COLEC12: variants seen among roughly 807,000 people sequenced by gnomAD.
COLEC12 encodes collectin subfamily member 12, also known as collectin-12.
Under a neutral mutation model 71.1 loss-of-function variants are expected in COLEC12, and 33 were observed. The ratio of observed to expected loss-of-function variants is 0.46; its 90% CI spans 0.35 to 0.62. COLEC12 has a LOEUF of 0.62. Ranked by LOEUF, COLEC12 falls within the 20% of genes least tolerant of loss-of-function variation. The pLI, the probability that COLEC12 is intolerant of heterozygous loss-of-function variation, is 0.00. For synonymous variants in COLEC12, 350 were observed against 353.0 expected (o/e 0.99, Z 0.10); for missense variants, 765 against 916.1 (o/e 0.84, Z 2.13).
intron 1 of COLEC12, among the ~76,000 whole-genome samples, chr18:484,205 C>T (rs962613366): frequency 6.6e-6 from 1 of 152,198 alleles, no homozygotes; most frequent in Non-Finnish European, 1.5e-5. Context: ...TGACTGACTT[C>T]TCTCTCCTTC....
intron 2 of COLEC12, among the ~76,000 whole-genome samples, chr18:451,983 T>C (rs1013513025): frequency 1.3e-5 from 2 of 152,230 alleles, no homozygotes; most frequent in Non-Finnish European, 2.9e-5. Context: ...TTTGTGGCAC[T>C]TCATCACATA....
At chr18:324,315 T>A (rs2143410103) in intron 8 of COLEC12, among the ~76,000 whole-genome samples, 1 of 152,320 alleles carries the variant, frequency 6.6e-6, no homozygotes, top group Non-Finnish European at 1.5e-5. Flanking sequence ...CACAGGTAGA[T>A]TCTGGCAAGA....
At chr18:442,931 A>C (rs1007352874) in intron 2 of COLEC12, among the ~76,000 whole-genome samples, 1 of 152,218 alleles carries the variant, frequency 6.6e-6, no homozygotes, top group African/African-American at 2.4e-5. Flanking sequence ...ACTGCACTCC[A>C]GCCTGGGCGA....
rs1471785286 is a variant in COLEC12, at chr18:399,960, A to G, written c.59-42438T>C. Among the ~76,000 whole-genome samples, 3 of 152,192 alleles carry G rather than the reference A, an allele frequency of 2.0e-5. No homozygotes were observed. Among genetic ancestry groups the G allele is most frequent in the Non-Finnish European group, 4.4e-5 (3 of 68,032 alleles). On this transcript the variant is annotated intron_variant, in intron 2 of 9. Coordinates refer to ENST00000400256, the MANE Select transcript of COLEC12 (RefSeq NM_130386.3). The surrounding 1 kb of genome is among the most constrained non-coding windows in gnomAD (Gnocchi z 4.0). ...AGGGTGGTGGGGGCGGGTGGGGGAT[A>G]GTGACTGAAGAGGCTGTATTTATTG... is the stretch of plus-strand genomic sequence containing the variant.
At chr18:381,418 C>T (rs191127308) in intron 2 of COLEC12, among the ~76,000 whole-genome samples, 1 of 152,186 alleles carries the variant, frequency 6.6e-6, no homozygotes, top group African/African-American at 2.4e-5. Flanking sequence ...ACACTGCATA[C>T]ATGTATCAAA....
intron 8 of COLEC12, among the ~76,000 whole-genome samples, chr18:322,557 C>T (rs188875093): frequency 2.6e-5 from 4 of 152,260 alleles, no homozygotes; most frequent in African/African-American, 7.2e-5. Context: ...GATAACAGTT[C>T]TTGATTACGT....
Position 333,047 on chromosome 18 carries a change from T to A in COLEC12, c.1913A>T (p.Lys638Met). Reference sequence around the variant, plus strand: ...GTTTATGAAAACAAGATGTGAAGACTTGTCTTCACAGAAAAGCTTTGCATC... The same window carrying A: ...GTTTATGAAAACAAGATGTGAAGACATGTCTTCACAGAAAAGCTTTGCATC... ...FEDAKLFCED[K>M]SSHLVFINTR... Residue 638 changes from lysine (K) to methionine (M), a missense_variant, in exon 7 of 10, where the codon AAG becomes ATG. By Grantham distance (95) the Lys-to-Met change is moderately conservative (BLOSUM62 -1). Transcript: ENST00000400256. The A allele has an allele frequency of 6.2e-7, 1 of 1,609,614 alleles. No individual in the cohort carries two copies.
chr18:493,579 A>G (rs1024047734), intron 1 of COLEC12, among the ~76,000 whole-genome samples: 1 of 152,244 alleles, frequency 6.6e-6, no homozygotes, highest in Non-Finnish European at 1.5e-5. Context: ...TTGTTTACGC[A>G]TAAGTCTTGT....
At chr18:447,937 C>T (rs1916684531) in intron 2 of COLEC12, among the ~76,000 whole-genome samples, 1 of 152,152 alleles carries the variant, frequency 6.6e-6, no homozygotes. Flanking sequence ...AAACAGCCAG[C>T]AGTCAAATTA....
In COLEC12 at chr18:408,519, A is replaced by G. The variant is rs1915831334; in HGVS notation, c.59-50997T>C. On this transcript the variant is annotated intron_variant, in intron 2 of 9. Coordinates refer to ENST00000400256, the MANE Select transcript of COLEC12 (RefSeq NM_130386.3). The surrounding 1 kb of genome is among the most constrained non-coding windows in gnomAD (Gnocchi z 4.3). The stretch of plus-strand genomic sequence containing the variant: ...ATGTCAGATTTTGAACTTGGAAAGG[A>G]ATGAAGGCAAGATTAAGCTTGAATT... Among the ~76,000 whole-genome samples, 1 of 152,184 alleles carries G rather than the reference A, an allele frequency of 6.6e-6. No homozygotes were observed. Among genetic ancestry groups the G allele is most frequent in the Non-Finnish European group, 1.5e-5 (1 of 68,024 alleles).
intron 2 of COLEC12, among the ~76,000 whole-genome samples, chr18:441,118 G>A (rs55803179): frequency 7.8e-6 from 1 of 127,792 alleles, no homozygotes; most frequent in African/African-American, 2.8e-5. Context: ...CGTGGTGGCG[G>A]GCGCCTGTAG....
intron 2 of COLEC12, among the ~76,000 whole-genome samples, chr18:402,178 C>A (rs1286472419): frequency 6.6e-6 from 1 of 151,586 alleles, no homozygotes; most frequent in Non-Finnish European, 1.5e-5. Flanking sequence ...GGGACCTGGC[C>A]CAAGCAAGAG....
intron 8 of COLEC12, among the ~76,000 whole-genome samples, chr18:331,025 A>G (rs1221089943): frequency 6.6e-6 from 1 of 151,828 alleles, no homozygotes; most frequent in African/African-American, 2.4e-5. Flanking sequence ...CATCACCCGC[A>G]TGCGCCACCA....
At chr18:337,051 G>A (rs1005420323) in intron 5 of COLEC12, among the ~76,000 whole-genome samples, 1 of 149,754 alleles carries the variant, frequency 6.7e-6, no homozygotes, top group African/African-American at 2.5e-5. Context: ...TAATGTTTTT[G>A]TAGAGATAGG....
At chr18:423,181 A>G (rs947799650) in intron 2 of COLEC12, among the ~76,000 whole-genome samples, 27 of 152,150 alleles carry the variant, frequency 1.8e-4, no homozygotes, top group African/African-American at 5.8e-4. Flanking sequence ...AGGTGGGAGG[A>G]CTGCTTGAGC....
chr18:437,849 T>TA (rs1916437857), intron 2 of COLEC12, among the ~76,000 whole-genome samples: 2 of 152,190 alleles, frequency 1.3e-5, no homozygotes, highest in Admixed American at 1.3e-4. Context: ...ACAAATTGTG[T>TA]AAAAAAATTC....
chr18:403,904 G>A (rs113001834), intron 2 of COLEC12, among the ~76,000 whole-genome samples: 5,292 of 152,292 alleles, frequency 0.035, 150 homozygotes, highest in African/African-American at 0.081. Context: ...GATTGGAAGA[G>A]GCTTTCTTCT....
At chr18:443,978 C>T (rs886950677) in intron 2 of COLEC12, among the ~76,000 whole-genome samples, 3 of 152,152 alleles carry the variant, frequency 2.0e-5, no homozygotes, top group African/African-American at 4.8e-5. Flanking sequence ...CTGCCATGAT[C>T]GTAAAAGCTC....
chr18:431,571 A>G (rs1916305234), intron 2 of COLEC12, among the ~76,000 whole-genome samples: 1 of 152,210 alleles, frequency 6.6e-6, no homozygotes, highest in African/African-American at 2.4e-5. Context: ...GCAAATAGGG[A>G]TGGCATTAAT....
Sources: gnomAD v4.1 joint callset for allele counts (sites outside exome capture counted in the v4.1 genomes callset) on GRCh38, gnomAD v4.1.1 for gene constraint, Gnocchi (gnomAD v3.1) non-coding constraint, MANE v1.5 for transcripts, NCBI Gene and HGNC (gene_info 2026-07-23, HGNC 2026-07-21) for gene names.